PICALM: variants seen among roughly 807,000 people sequenced by gnomAD.
PICALM encodes phosphatidylinositol binding clathrin assembly protein.
In PICALM, 40 loss-of-function variants were observed where a neutral mutation model predicts 80.5. The observed-to-expected ratio is 0.50, with a 90% CI of 0.39 to 0.65. PICALM has a LOEUF of 0.65. Among genes scored for constraint, PICALM ranks in the 30% least tolerant of loss-of-function variants. PICALM has a pLI of 0.00. For missense variants in PICALM, 676 were observed against 778.9 expected (o/e 0.87, Z 1.57); for synonymous variants, 288 against 260.3 (o/e 1.11, Z -1.02).
At chr11:86,036,967 A>T (rs1349064651) in intron 1 of PICALM, among the ~76,000 whole-genome samples, 5 of 79,604 alleles carry the variant, frequency 6.3e-5, no homozygotes, top group Admixed American at 4.7e-4. Flanking sequence ...ATTTTTTTTG[A>T]GATGGAGTCT....
intron 1 of PICALM, among the ~76,000 whole-genome samples, chr11:86,067,000 G>A (rs1183163987): frequency 1.3e-5 from 2 of 152,218 alleles, no homozygotes; most frequent in Non-Finnish European, 2.9e-5. Context: ...AGGACTGAGA[G>A]TTTAAAAGCA....
intron 2 of PICALM, among the ~76,000 whole-genome samples, chr11:86,030,675 CT>C (rs767193899): frequency 1.2e-4 from 19 of 152,174 alleles, no homozygotes; most frequent in Admixed American, 7.9e-4. Context: ...ATTTGTTACC[CT>C]TTTAGGCAAC....
chr11:86,068,909 G>C lies in PICALM; in HGVS notation c.-129C>G. On this transcript the variant is annotated 5_prime_UTR_variant, in exon 1 of 20. Transcript: ENST00000393346. ...GGCTCCTTCCCCGCCTGCCGGCCTG[G>C]GGCGCGGTTCGGGGCCGCGCGCTGC... The C allele has an allele frequency of 7.4e-7, 1 of 1,345,248 alleles. No homozygotes were observed. The highest frequency in any genetic ancestry group is 9.8e-7 in the Non-Finnish European group (1 of 1,017,766). The allele number at this position is 1,345,248 out of a possible 1,614,324, so 83.3% of individuals were successfully genotyped here. A position where few individuals can be genotyped will look rare whatever the true frequency, so the allele number is the denominator to read the frequency against.
intron 1 of PICALM, among the ~76,000 whole-genome samples, chr11:86,060,886 C>A (rs2096350778): frequency 6.6e-6 from 1 of 152,112 alleles, no homozygotes; most frequent in African/African-American, 2.4e-5. Context: ...TTGTTGATGA[C>A]TTTTTAAATA....
intron 13 of PICALM, among the ~76,000 whole-genome samples, chr11:85,987,355 C>CA (rs1442288589): frequency 6.6e-6 from 1 of 152,060 alleles, no homozygotes; most frequent in Non-Finnish European, 1.5e-5. Flanking sequence ...TTAGGGTTTT[C>CA]AGTTTAATCC....
chr11:85,969,660 T>C (rs935125372), intron 19 of PICALM: 2 of 423,662 alleles, frequency 4.7e-6, no homozygotes, highest in African/African-American at 2.0e-5. Context: ...AGAAAAACCT[T>C]ATCTAGTTCA....
In PICALM at chr11:85,959,066, A is replaced by C; in HGVS notation, c.1945-6T>G. The C allele has an allele frequency of 6.3e-7, 1 of 1,575,944 alleles. No individual in the cohort carries two copies. Among genetic ancestry groups the C allele is most frequent in the Non-Finnish European group, 8.7e-7 (1 of 1,150,594 alleles). ...TCAAGTTACATAAACTGTATCTGGA[A>C]AAAAAAAGTGGGTATGTTAATTCAT... On this transcript the variant is annotated splice_polypyrimidine_tract_variant and splice_region_variant and intron_variant, in intron 19 of 19. Transcript: ENST00000393346.
chr11:85,997,737 C>G (rs1221025165), intron 11 of PICALM, among the ~76,000 whole-genome samples: 2 of 152,220 alleles, frequency 1.3e-5, no homozygotes, highest in African/African-American at 4.8e-5. Context: ...TCCCAGAGTG[C>G]TGGGATTACA....
chr11:86,013,309 T>C (rs780100553), intron 5 of PICALM, among the ~76,000 whole-genome samples: 15 of 152,042 alleles, frequency 9.9e-5, no homozygotes, highest in Non-Finnish European at 2.1e-4. Flanking sequence ...AGAAAAATGC[T>C]GTCTCAAAAA....
chr11:85,982,073 T>C (rs963679455), intron 14 of PICALM, 70 bp from the exon 15 acceptor site: 35 of 1,392,910 alleles, frequency 2.5e-5, no homozygotes, highest in Non-Finnish European at 3.6e-5. Context: ...CTAAAGGAGG[T>C]CTTTGCCTTT....
At chr11:86,042,820 T>G (rs559683562) in intron 1 of PICALM, among the ~76,000 whole-genome samples, 1 of 152,268 alleles carries the variant, frequency 6.6e-6, no homozygotes, top group East Asian at 1.9e-4. Flanking sequence ...AATTCTCCTT[T>G]CTTTCCAACA....
chr11:86,067,282 G>C (rs2096460664), intron 1 of PICALM, among the ~76,000 whole-genome samples: 1 of 152,204 alleles, frequency 6.6e-6, no homozygotes, highest in South Asian at 2.1e-4. Context: ...GCTTCAAACA[G>C]TAAAACAAAG....
chr11:85,974,758 G>A lies in PICALM; in HGVS notation c.1894C>T (p.Gln632Ter). Reference sequence around the variant, plus strand: ...GGGTTTGGAGGTCTCATGACAGGCTGGCTGTATATTAAGGTTGGTTGCGTC... The same window carrying A: ...GGGTTTGGAGGTCTCATGACAGGCTAGCTGTATATTAAGGTTGGTTGCGTC... ...VMTQPTLIYS[Q>*]PVMRPPNPFG... The change falls in exon 19 of 20, where the codon CAG becomes TAG. Residue 632 changes from glutamine to a stop codon, truncating the protein, a stop_gained. Transcript: ENST00000393346. LOFTEE classifies it high-confidence loss of function. 1 of 1,613,924 alleles carries A rather than the reference G, an allele frequency of 6.2e-7. No individual in the cohort carries two copies. The highest frequency in any genetic ancestry group is 8.5e-7 in the Non-Finnish European group (1 of 1,179,878).
At chr11:85,974,325 C>A (rs2094203575) in intron 19 of PICALM, 2 of 259,462 alleles carry the variant, frequency 7.7e-6, no homozygotes, top group South Asian at 4.0e-5. Flanking sequence ...TCAAGGCCAA[C>A]ACGCCCTGCT....
rs993969606 is a variant in PICALM, at chr11:86,023,464, C to T, written c.350-995G>A. 2.0e-5 allele frequency: 20 copies of T among 985,126 alleles called. No individual in the cohort carries two copies. In the African/African-American group the frequency reaches 2.6e-4, roughly 13 times the overall value. 61.0% of individuals were successfully genotyped at this position (985,126 alleles called of 1,614,324 possible). ...TACATGCTCACATTCCTCAGCTCTT[C>T]GGTTCATATGGTTCTATCTACTATA... On this transcript the variant is annotated intron_variant, in intron 3 of 19. Coordinates refer to ENST00000393346, the MANE Select transcript of PICALM (RefSeq NM_007166.4).
intron 1 of PICALM, among the ~76,000 whole-genome samples, chr11:86,032,490 G>T (rs1218518232): frequency 6.6e-6 from 1 of 152,060 alleles, no homozygotes; most frequent in African/African-American, 2.4e-5. Flanking sequence ...GCTGGGCTTG[G>T]TGGCGGGCAT....
intron 2 of PICALM, among the ~76,000 whole-genome samples, chr11:86,027,091 A>C (rs1163870852): frequency 1.3e-5 from 2 of 152,252 alleles, no homozygotes; most frequent in Non-Finnish European, 2.9e-5. Context: ...ATTTCATCTT[A>C]AATGATGTTC....
intron 1 of PICALM, among the ~76,000 whole-genome samples, chr11:86,041,088 C>T (rs2095956211): frequency 1.3e-5 from 2 of 152,172 alleles, no homozygotes; most frequent in Admixed American, 1.3e-4. Context: ...GCACTTTTCA[C>T]ACTTCATTAC....
intron 1 of PICALM, 107 bp from the exon 2 acceptor site, chr11:86,031,718 G>T: frequency 1.3e-6 from 1 of 751,294 alleles, no homozygotes; most frequent in Non-Finnish European, 2.1e-6. Context: ...AAGTGGAGCA[G>T]TAATAGTTTG....
Sources: gnomAD v4.1 joint callset for allele counts (sites outside exome capture counted in the v4.1 genomes callset) on GRCh38, gnomAD v4.1.1 for gene constraint, MANE v1.5 for transcripts, NCBI Gene and HGNC (gene_info 2026-07-23, HGNC 2026-07-21) for gene names.